STIL: variants seen among roughly 807,000 people sequenced by gnomAD.
STIL encodes the protein STIL centriolar assembly protein.
Under a neutral mutation model 110.1 loss-of-function variants are expected in STIL, and 55 were observed. The ratio of observed to expected loss-of-function variants is 0.50; its 90% CI spans 0.40 to 0.63. The LOEUF (loss-of-function observed/expected upper bound fraction) is 0.63. Ranked by LOEUF, STIL falls within the 20% of genes least tolerant of loss-of-function variation. STIL has a pLI of 0.00. For synonymous variants in STIL, 481 were observed against 530.0 expected (o/e 0.91, Z 1.27); for missense variants, 1,358 against 1,530.0 (o/e 0.89, Z 1.87).
intron 10 of STIL, among the ~76,000 whole-genome samples, chr1:47,286,565 G>C (rs1645306544): frequency 6.6e-6 from 1 of 151,200 alleles, no homozygotes; most frequent in Non-Finnish European, 1.5e-5. Context: ...CAAAAAATTA[G>C]CCTGGCGTAG....
At chr1:47,268,140 A>T (rs145685730) in intron 14 of STIL, among the ~76,000 whole-genome samples, 1 of 152,318 alleles carries the variant, frequency 6.6e-6, no homozygotes, top group African/African-American at 2.4e-5. Flanking sequence ...ATATAATGGC[A>T]ATACGGAGAA....
chr1:47,296,737 C>T (rs1645652629), intron 6 of STIL, among the ~76,000 whole-genome samples: 1 of 152,040 alleles, frequency 6.6e-6, no homozygotes, highest in South Asian at 2.1e-4. Context: ...TCACTTGAAC[C>T]CAGGAAGCAG....
chr1:47,269,078 G>C (rs184890603), intron 14 of STIL, among the ~76,000 whole-genome samples: 1 of 149,584 alleles, frequency 6.7e-6, no homozygotes, highest in Admixed American at 6.6e-5. Flanking sequence ...GCAACAGAGC[G>C]GGACTCCGTC....
intron 8 of STIL, among the ~76,000 whole-genome samples, chr1:47,291,070 C>A (rs142244479): frequency 1.3e-5 from 2 of 152,102 alleles, no homozygotes; most frequent in East Asian, 3.9e-4. Flanking sequence ...ATTTAAATTG[C>A]AACTCTTGGC....
Position 47,262,929 on chromosome 1 carries a change from T to A in STIL, c.2803A>T (p.Asn935Tyr). The change falls in exon 15 of 17, where the codon AAC becomes TAC. Residue 935 changes from asparagine (N) to tyrosine (Y), a missense_variant. Asn to Tyr is a moderately radical substitution (Grantham distance 143). Transcript: ENST00000371877. The part of the protein sequence containing the change: ...MQPLLHQPSD[N>Y]QKIYQDLLGQ... ...AATAAATCCTGGTAAATTTTCTGGT[T>A]ATCTGATGGTTGATGAAGCAAGGGT... 8.1e-6 allele frequency: 13 copies of A among 1,614,220 alleles called. No individual in the cohort carries two copies. Among genetic ancestry groups the A allele is most frequent in the Non-Finnish European group, 1.1e-5 (13 of 1,180,030 alleles).
intron 8 of STIL, among the ~76,000 whole-genome samples, chr1:47,290,003 G>A (rs1645435303): frequency 6.6e-6 from 1 of 150,720 alleles, no homozygotes; most frequent in South Asian, 2.1e-4. Flanking sequence ...AGGATTTACT[G>A]TCAATATGAA....
intron 14 of STIL, among the ~76,000 whole-genome samples, chr1:47,267,531 C>G (rs1266583308): frequency 6.6e-6 from 1 of 151,962 alleles, no homozygotes. Context: ...ATGGCAAAAC[C>G]CTGTCTCTAC....
At chr1:47,266,896 C>A (rs1013038565) in intron 14 of STIL, among the ~76,000 whole-genome samples, 8 of 152,148 alleles carry the variant, frequency 5.3e-5, no homozygotes, top group African/African-American at 1.2e-4. Context: ...ATTAAAAAAT[C>A]TTTTCTATAT....
At chr1:47,256,557 G>A (rs1026954309) in intron 16 of STIL, among the ~76,000 whole-genome samples, 2 of 148,404 alleles carry the variant, frequency 1.3e-5, no homozygotes, top group Non-Finnish European at 3.0e-5. Flanking sequence ...GGGGGCGGAG[G>A]TTGCAGTGAG....
intron 15 of STIL, among the ~76,000 whole-genome samples, chr1:47,261,609 G>A (rs1267447613): frequency 6.7e-6 from 1 of 150,090 alleles, no homozygotes; most frequent in Non-Finnish European, 1.5e-5. Flanking sequence ...GTGTGGTGGC[G>A]TGCACCTGTG....
intron 15 of STIL, among the ~76,000 whole-genome samples, chr1:47,260,908 A>G (rs376840068): frequency 2.7e-4 from 41 of 152,204 alleles, no homozygotes; most frequent in African/African-American, 9.4e-4. Context: ...ATTTTACAGT[A>G]AGACCTTAAT....
intron 2 of STIL, 139 bp from the exon 3 acceptor site, chr1:47,305,135 ATT>A: frequency 4.7e-6 from 3 of 635,462 alleles, no homozygotes; most frequent in African/African-American, 1.9e-5. Flanking sequence ...ATATATATAT[ATT>A]TTTTTTGAGA....
chr1:47,275,663 C>T (rs908108859), intron 12 of STIL, among the ~76,000 whole-genome samples: 2 of 151,776 alleles, frequency 1.3e-5, no homozygotes, highest in Non-Finnish European at 1.5e-5. Flanking sequence ...CTTACTCTGT[C>T]GCCTAGGCCA....
intron 5 of STIL, 80 bp from the exon 6 acceptor site, chr1:47,300,232 T>C: frequency 7.8e-7 from 1 of 1,285,902 alleles, no homozygotes; most frequent in East Asian, 2.5e-5. Context: ...TACTGATACA[T>C]ATACATATAT....
intron 7 of STIL, among the ~76,000 whole-genome samples, chr1:47,295,513 G>C (rs1645616694): frequency 1.3e-5 from 2 of 151,938 alleles, no homozygotes; most frequent in Admixed American, 1.3e-4. Flanking sequence ...CTGGGGGATG[G>C]AGATTGCAGT....
intron 16 of STIL, among the ~76,000 whole-genome samples, chr1:47,258,215 C>T (rs1261321955): frequency 6.6e-6 from 1 of 152,148 alleles, no homozygotes. Flanking sequence ...GGATAAAAAA[C>T]TCAAAAATGC....
chr1:47,273,114 G>A (rs1468024195), intron 12 of STIL, among the ~76,000 whole-genome samples: 2 of 152,136 alleles, frequency 1.3e-5, no homozygotes, highest in South Asian at 2.1e-4. Flanking sequence ...CAAGGAAAAA[G>A]TTAAGTTACT....
chr1:47,305,725 CTTTTTTTTTTTTTT>C (rs71572652), intron 2 of STIL, among the ~76,000 whole-genome samples: 1 of 43,418 alleles, frequency 2.3e-5, no homozygotes, highest in Non-Finnish European at 3.7e-5. Flanking sequence ...CACGCCTGGC[CTTTTTTTTTTTTTT>C]TTTTTTTTTT....
At chr1:47,253,540 T>C (rs1292536049) in intron 16 of STIL, among the ~76,000 whole-genome samples, 1 of 152,150 alleles carries the variant, frequency 6.6e-6, no homozygotes, top group Non-Finnish European at 1.5e-5. Flanking sequence ...AACTGAGGAA[T>C]AGAGATTTGA....
Sources: gnomAD v4.1 joint callset for allele counts (sites outside exome capture counted in the v4.1 genomes callset) on GRCh38, gnomAD v4.1.1 for gene constraint, MANE v1.5 for transcripts, NCBI Gene and HGNC (gene_info 2026-07-23, HGNC 2026-07-21) for gene names.